SS18L1: variants seen among roughly 807,000 people sequenced by gnomAD.
SS18L1 encodes the protein SS18L1 subunit of BAF chromatin remodeling complex.
Under a neutral mutation model 70.3 loss-of-function variants are expected in SS18L1, and 32 were observed. The ratio of observed to expected loss-of-function variants is 0.46; its 90% confidence interval spans 0.34 to 0.61. The LOEUF (loss-of-function observed/expected upper bound fraction) is 0.61. SS18L1 is among the 20% of genes least tolerant of loss of function. The pLI is 0.01. For synonymous variants in SS18L1, 237 were observed against 229.7 expected, an observed-to-expected ratio of 1.03 and a Z score of -0.29; for missense variants, 430 against 542.1, an observed-to-expected ratio of 0.79 and a Z score of 2.05.
chr20:62,171,688 A>G (rs2057534474), intron 8 of SS18L1, among the ~76,000 whole-genome samples: 1 of 152,258 alleles, frequency 6.6e-6, no homozygotes, highest in African/African-American at 2.4e-5. Flanking sequence ...CTTCTAAAAA[A>G]GGAAAGTTAT....
Position 62,159,888 on chromosome 20 carries a change from T to A in SS18L1, c.158T>A (p.Ile53Asn). ...CCCCTCTCCTGCAGGTACCAGCAGA[T>A]CCTGCACCGGAACCTGGTATACCTG... ...KTAECTQYQQ[I>N]LHRNLVYLAT... Residue 53 changes from isoleucine (I) to asparagine (N), a missense_variant, in exon 3 of 11, where the codon ATC becomes AAC. Coordinates refer to ENST00000331758, the MANE Select transcript of SS18L1 (RefSeq NM_198935.3). The surrounding 1 kb of genome is among the most constrained non-coding windows in gnomAD (Gnocchi z 4.4). The A allele has an allele frequency of 6.2e-7, 1 of 1,612,594 alleles. No homozygotes were observed. The highest frequency in any genetic ancestry group is 8.5e-7 in the Non-Finnish European group (1 of 1,179,866).
intron 5 of SS18L1, among the ~76,000 whole-genome samples, chr20:62,163,177 C>T (rs1224108294): frequency 6.6e-6 from 1 of 152,154 alleles, no homozygotes; most frequent in Non-Finnish European, 1.5e-5. Context: ...CATGGAGTCT[C>T]AGGGAATGCC....
Position 62,171,903 on chromosome 20 carries a change from C to T in SS18L1, c.917-779C>T, listed in dbSNP as rs145298860. On this transcript the variant is annotated intron_variant, in intron 8 of 10. Coordinates refer to ENST00000331758, the MANE Select transcript of SS18L1 (RefSeq NM_198935.3). ...CATGGTCGGGCACCGTGGCTCACGCCTGTAATCCTAGCACTTTAGGAGGCC... is the reference window on the plus strand; with the variant it reads ...CATGGTCGGGCACCGTGGCTCACGCTTGTAATCCTAGCACTTTAGGAGGCC... Among the ~76,000 whole-genome samples, 9 of 152,292 alleles carry T rather than the reference C, an allele frequency of 5.9e-5. 1 individual carries two copies. The highest frequency in any genetic ancestry group is 6.8e-3 in the Middle Eastern group (2 of 294).
At chr20:62,157,778 G>A (rs571135633) in intron 1 of SS18L1, among the ~76,000 whole-genome samples, 20 of 152,324 alleles carry the variant, frequency 1.3e-4, no homozygotes, top group South Asian at 1.0e-3. Flanking sequence ...GCATTTCAGC[G>A]CAGCACCCCT....
In SS18L1 at chr20:62,163,014, C is replaced by T. The variant is rs73309158; in HGVS notation, c.556+83C>T. ...CACATGCACGTTGGACATGTGGTCC[C>T]GGGGAAGCTGCCCTCCTGCTGGGTG... On this transcript the variant is annotated intron_variant, in intron 5 of 10. Transcript: ENST00000331758. The T allele has an allele frequency of 0.05, 76,584 of 1,521,866 alleles. 2,272 individuals are homozygous for T. The highest frequency in any genetic ancestry group is 0.11 in the African/African-American group (7,680 of 72,116). The allele number at this position is 1,521,866 out of a possible 1,614,324, so 94.3% of individuals were successfully genotyped here. A position where few individuals can be genotyped will look rare whatever the true frequency, so the allele number is the denominator to read the frequency against.
chr20:62,152,053 G>C (rs750438112), intron 1 of SS18L1, among the ~76,000 whole-genome samples: 1 of 149,838 alleles, frequency 6.7e-6, no homozygotes, highest in Non-Finnish European at 1.5e-5. Flanking sequence ...GAGATGCCCC[G>C]TGGCCTTCAC....
In SS18L1 at chr20:62,158,986, G is replaced by A. The variant is rs576612437; in HGVS notation, c.146+238G>A. The A allele has an allele frequency of 2.1e-5, 33 of 1,544,080 alleles. No homozygotes were observed. In the East Asian group the frequency reaches 4.9e-4, roughly 23 times the overall value. On this transcript the variant is annotated intron_variant, in intron 2 of 10. Transcript: ENST00000331758. The surrounding 1 kb of genome is among the most constrained non-coding windows in gnomAD (Gnocchi z 4.5). ...GTCCCCCAGCACGGAGGCCAGATAT[G>A]TCCCGAGAGTCCCCCAGCACGGAGG...
chr20:62,179,730 G>GGGGGGGCCCCCC lies in SS18L1; in HGVS notation c.*522_*523insGGGGGGCCCCCC. 1.0e-5 allele frequency: 1 copy of GGGGGGGCCCCCC among 96,710 alleles called. No homozygotes were observed. Among genetic ancestry groups the GGGGGGGCCCCCC allele is most frequent in the Non-Finnish European group, 2.0e-5 (1 of 48,820 alleles). The allele number at this position is 96,710 out of a possible 1,614,324, so 6.0% of individuals were successfully genotyped here. A position where few individuals can be genotyped will look rare whatever the true frequency, so the allele number is the denominator to read the frequency against. ...GTGCCTCGATGGGGTGGGTGGGAGG[G>GGGGGGGCCCCCC]CATCTTCTGTGCGTTGGGTCAGTTT... is the stretch of plus-strand genomic sequence containing the variant. On this transcript the variant is annotated 3_prime_UTR_variant, in exon 11 of 11. Coordinates refer to ENST00000331758, the MANE Select transcript of SS18L1 (RefSeq NM_198935.3).
intron 1 of SS18L1, among the ~76,000 whole-genome samples, chr20:62,145,576 A>T (rs1255527682): frequency 6.6e-6 from 1 of 152,206 alleles, no homozygotes; most frequent in Non-Finnish European, 1.5e-5. Context: ...ACACAGTTCC[A>T]TTGAAGCTCC....
At position 62,172,791 on chromosome 20, in the gene SS18L1, G is replaced by A. The variant is rs1472033351; in HGVS notation, c.1026G>A (p.Gln342=). 5.6e-6 allele frequency: 9 copies of A among 1,613,002 alleles called. No homozygotes were observed. The highest frequency in any genetic ancestry group is 7.6e-6 in the Non-Finnish European group (9 of 1,179,654). The part of the protein sequence containing the change: ...YPSQQSYPGQ[Q]QGYGSAQGAP... ...GCCAGCAGAGCTACCCCGGGCAGCAGCAGGGCTACGGTAAGAGGCGAGCAC... is the reference window on the plus strand; with the variant it reads ...GCCAGCAGAGCTACCCCGGGCAGCAACAGGGCTACGGTAAGAGGCGAGCAC... Residue 342 remains glutamine (Q), a synonymous_variant, in exon 9 of 11, where the codon CAG becomes CAA. Coordinates refer to ENST00000331758, the MANE Select transcript of SS18L1 (RefSeq NM_198935.3).
chr20:62,164,079 A>G lies in SS18L1; in HGVS notation c.722-66A>G. The G allele has an allele frequency of 2.1e-6, 3 of 1,449,918 alleles. No homozygotes were observed. In the Admixed American group the frequency reaches 6.3e-5, roughly 30 times the overall value. 89.8% of individuals were successfully genotyped at this position (1,449,918 alleles called of 1,614,324 possible). On this transcript the variant is annotated intron_variant, in intron 6 of 10. Coordinates refer to ENST00000331758, the MANE Select transcript of SS18L1 (RefSeq NM_198935.3). ...CAGCAAGGCCTTGGCTTCCCCAGTG[A>G]GCGAGCAGGTCCTCTGAGGGAGGAG...
chr20:62,164,087 G>A, intron 6 of SS18L1, 58 bp from the exon 7 acceptor site: 2 of 1,481,884 alleles, frequency 1.3e-6, no homozygotes, highest in South Asian at 2.5e-5. Context: ...TGAGCGAGCA[G>A]GTCCTCTGAG....
chr20:62,147,509 T>C (rs1402452172), intron 1 of SS18L1, among the ~76,000 whole-genome samples: 2 of 152,324 alleles, frequency 1.3e-5, no homozygotes, highest in East Asian at 3.9e-4. Context: ...AGTTGCCTCT[T>C]TGCTGCTTGG....
intron 1 of SS18L1, among the ~76,000 whole-genome samples, chr20:62,157,461 G>C (rs2057244281): frequency 6.6e-6 from 1 of 152,220 alleles, no homozygotes; most frequent in Admixed American, 6.5e-5. Flanking sequence ...CCCTGCATCT[G>C]ACAGGTTCCT....
At chr20:62,176,243 C>T (rs1377267834) in intron 10 of SS18L1, among the ~76,000 whole-genome samples, 6 of 152,230 alleles carry the variant, frequency 3.9e-5, no homozygotes, top group Non-Finnish European at 7.3e-5. Context: ...CGTGACCGGT[C>T]GTGGTGGCCC....
At chr20:62,154,508 T>C (rs924215889) in intron 1 of SS18L1, 3 of 1,018,690 alleles carry the variant, frequency 2.9e-6, no homozygotes, top group Admixed American at 1.2e-4. Context: ...GGCCAGGCCA[T>C]CGGCCCCCCA....
intron 10 of SS18L1, among the ~76,000 whole-genome samples, chr20:62,177,092 AACTGTCTCCG>A (rs2057632352): frequency 6.6e-6 from 1 of 152,174 alleles, no homozygotes; most frequent in Non-Finnish European, 1.5e-5. Flanking sequence ...CCAGGGGCAA[AACTGTCTCCG>A]TTTGAGAACC....
At chr20:62,147,881 G>T (rs972765675) in intron 1 of SS18L1, among the ~76,000 whole-genome samples, 1 of 152,170 alleles carries the variant, frequency 6.6e-6, no homozygotes, top group East Asian at 1.9e-4. Flanking sequence ...CGCACTTCTG[G>T]GTGGGGATGG....
intron 8 of SS18L1, among the ~76,000 whole-genome samples, chr20:62,169,357 G>A (rs1464760693): frequency 2.0e-5 from 3 of 152,240 alleles, no homozygotes; most frequent in East Asian, 1.9e-4. Flanking sequence ...TAGGAGATGG[G>A]GTTAGGGCTC....
Sources: allele counts gnomAD v4.1 joint callset (sites outside exome capture counted in the v4.1 genomes callset), GRCh38; gene constraint gnomAD v4.1.1; non-coding constraint Gnocchi (gnomAD v3.1); transcripts MANE v1.5; gene names NCBI Gene and HGNC (gene_info 2026-07-23, HGNC 2026-07-21).